GJA1: variants seen among roughly 807,000 people sequenced by gnomAD.
GJA1 encodes the protein gap junction protein alpha 1.
In GJA1, 9 loss-of-function variants were observed where a neutral mutation model predicts 31.0. That is an observed-to-expected ratio of 0.29 (90% CI 0.17 to 0.51). The LOEUF is 0.51. Ranked by LOEUF, GJA1 falls within the 20% of genes least tolerant of loss-of-function variation. GJA1 has a pLI of 0.98. For synonymous variants in GJA1, 186 were observed against 180.1 expected, an observed-to-expected ratio of 1.03 and a Z score of -0.26; for missense variants, 278 against 468.8, an observed-to-expected ratio of 0.59 and a Z score of 3.76.
At position 121,447,566 on chromosome 6, in the gene GJA1, T is replaced by A. The variant is rs145367364; in HGVS notation, c.719T>A (p.Val240Asp). 6.8e-6 allele frequency: 11 copies of A among 1,613,840 alleles called. No homozygotes were observed. Among genetic ancestry groups the A allele is most frequent in the African/African-American group, 2.7e-5 (2 of 74,844 alleles). Residue 240 changes from valine (V) to aspartate (D), a missense_variant, in exon 2 of 2, where the codon GTT (valine) becomes GAT (aspartate). This residue lies in a region of GJA1 where 172 missense variants were observed against 190.9 expected (regional missense o/e 0.90). Coordinates refer to ENST00000282561, the MANE Select transcript of GJA1 (RefSeq NM_000165.5). ...TTCTTCAAGGGCGTTAAGGATCGGG[T>A]TAAGGGAAAGAGCGACCCTTACCAT... ...YVFFKGVKDR[V>D]KGKSDPYHAT... is the part of the protein sequence containing the mutation.
chr6:121,435,740 C>T lies in GJA1; in HGVS notation c.-109C>T, dbSNP rs1021449722. The T allele has an allele frequency of 2.0e-5, 3 of 152,234 alleles. No homozygotes were observed. Among genetic ancestry groups the T allele is most frequent in the African/African-American group, 7.2e-5 (3 of 41,454 alleles). The allele number at this position is 152,234 out of a possible 1,614,324, so 9.4% of individuals were successfully genotyped here. A position where few individuals can be genotyped will look rare whatever the true frequency, so the allele number is the denominator to read the frequency against. On this transcript the variant is annotated 5_prime_UTR_variant, in exon 1 of 2. Coordinates refer to ENST00000282561, the MANE Select transcript of GJA1 (RefSeq NM_000165.5). ...AGCGGAGTTTTAAACTTTAAATAGA[C>T]AGGTCTGAGTGCCTGAACTTGCCTT...
rs553879521 is a variant in GJA1, at chr6:121,447,979, G to A, written c.1132G>A (p.Asp378Asn). 77 of 1,612,884 alleles carry A rather than the reference G, an allele frequency of 4.8e-5. 1 individual carries two copies. In the Admixed American group the frequency reaches 5.1e-4, roughly 11 times the overall value. The change falls in exon 2 of 2, where the codon GAT becomes AAT. Residue 378 changes from aspartate to asparagine, a missense_variant. Physicochemically the swap from Asp to Asn is conservative, Grantham distance 23. This residue lies in a region of GJA1 where 172 missense variants were observed against 190.9 expected (regional missense o/e 0.90). Coordinates refer to ENST00000282561, the MANE Select transcript of GJA1 (RefSeq NM_000165.5). ...TCGTGCCAGCAGCAGACCTCGGCCT[G>A]ATGACCTGGAGATCTAGATACAGGC... is the stretch of plus-strand genomic sequence containing the variant. The part of the protein sequence containing the change: ...SSRASSRPRP[D>N]DLEI
chr6:121,439,459 C>G (rs536151761), intron 1 of GJA1, among the ~76,000 whole-genome samples: 1 of 152,228 alleles, frequency 6.6e-6, no homozygotes, highest in East Asian at 1.9e-4. Context: ...GAGGAAACGC[C>G]AAGGACTGAT....
chr6:121,447,242 T>C lies in GJA1; in HGVS notation c.395T>C (p.Ile132Thr). 6.2e-7 allele frequency: 1 copy of C among 1,614,100 alleles called. No homozygotes were observed. Among genetic ancestry groups the C allele is most frequent in the East Asian group, 2.2e-5 (1 of 44,876 alleles). Reference sequence around the variant, plus strand: ...GACATGCACTTGAAGCAGATTGAGATAAAGAAGTTCAAGTACGGTATTGAA... The same window carrying C: ...GACATGCACTTGAAGCAGATTGAGACAAAGAAGTTCAAGTACGGTATTGAA... ...NVDMHLKQIE[I>T]KKFKYGIEEH... The change falls in exon 2 of 2, where the codon ATA (isoleucine) becomes ACA (threonine). Residue 132 changes from isoleucine to threonine, a missense_variant. Physicochemically the swap from Ile to Thr is moderately conservative, Grantham distance 89. Around this residue, in one of 3 missense-constraint regions of GJA1, gnomAD observed 80 missense variants for 163.5 expected, o/e 0.49. Coordinates refer to ENST00000282561, the MANE Select transcript of GJA1 (RefSeq NM_000165.5).
chr6:121,443,007 T>C (rs1158555908), intron 1 of GJA1, among the ~76,000 whole-genome samples: 1 of 152,204 alleles, frequency 6.6e-6, no homozygotes, highest in Non-Finnish European at 1.5e-5. Flanking sequence ...TCCAGCTGCG[T>C]TGGTCTTCTC....
In GJA1 at chr6:121,448,197, AAG is replaced by A. The variant is rs772242482; in HGVS notation, c.*206_*207del. ...GTAGATGGGTGGAGAGGGAGGGGAT[AAG>A]AGAGGTGCATGTTGGTATTTAAAGT... On this transcript the variant is annotated 3_prime_UTR_variant, in exon 2 of 2. Coordinates refer to ENST00000282561, the MANE Select transcript of GJA1 (RefSeq NM_000165.5). 4.8e-6 allele frequency: 3 copies of A among 629,364 alleles called. No homozygotes were observed. The highest frequency in any genetic ancestry group is 2.7e-5 in the Admixed American group (1 of 37,112). 39.0% of individuals were successfully genotyped at this position (629,364 alleles called of 1,614,324 possible).
rs1773938612 is a variant in GJA1, at chr6:121,448,941, G to C, written c.*945G>C. On this transcript the variant is annotated 3_prime_UTR_variant, in exon 2 of 2. Transcript: ENST00000282561. The stretch of plus-strand genomic sequence containing the variant: ...TGTTCAAATTTGAACCTTTCTCATG[G>C]ATTTTTGTGGTGTGGGCCAATATGG... 6.0e-6 allele frequency: 1 copy of C among 166,650 alleles called. No homozygotes were observed. Among genetic ancestry groups the C allele is most frequent in the Non-Finnish European group, 1.5e-5 (1 of 68,090 alleles). The allele number at this position is 166,650 out of a possible 1,614,324, so 10.3% of individuals were successfully genotyped here. A position where few individuals can be genotyped will look rare whatever the true frequency, so the allele number is the denominator to read the frequency against.
At chr6:121,444,000 TTC>T (rs1166916204) in intron 1 of GJA1, among the ~76,000 whole-genome samples, 3 of 152,148 alleles carry the variant, frequency 2.0e-5, no homozygotes, top group Non-Finnish European at 4.4e-5. Context: ...GCTCCAAAGA[TTC>T]TGTTTGTCTG....
intron 1 of GJA1, among the ~76,000 whole-genome samples, chr6:121,440,281 A>C (rs1477220278): frequency 6.6e-6 from 1 of 152,138 alleles, no homozygotes; most frequent in Non-Finnish European, 1.5e-5. Context: ...CAAGCATGAT[A>C]CCTGATGCAG....
In GJA1 at chr6:121,436,962, T is replaced by C. The variant is rs192743387; in HGVS notation, c.-17+1130T>C. On this transcript the variant is annotated intron_variant, in intron 1 of 1. Transcript: ENST00000282561. Reference sequence around the variant, plus strand: ...TTTGTGCCCGGTAAAGATTTTCTGTTCTGTGTAAATCTACAAACTAAAATA... The same window carrying C: ...TTTGTGCCCGGTAAAGATTTTCTGTCCTGTGTAAATCTACAAACTAAAATA... Among the ~76,000 whole-genome samples the C allele has an allele frequency of 1.7e-3, 260 of 152,370 alleles. 4 individuals carry two copies. Among genetic ancestry groups the C allele is most frequent in the African/African-American group, 6.0e-3 (250 of 41,592 alleles).
rs554145953 is a variant in GJA1 at position 121,448,361 on chromosome 6, T to G, written c.*365T>G. On this transcript the variant is annotated 3_prime_UTR_variant, in exon 2 of 2. Coordinates refer to ENST00000282561, the MANE Select transcript of GJA1 (RefSeq NM_000165.5). The stretch of plus-strand genomic sequence containing the variant: ...GCGGGTGGTAATTGTGGCTAAATAT[T>G]TTTGTTTTACCAAGAAACTGAAATA... 116 of 269,046 alleles carry G rather than the reference T, an allele frequency of 4.3e-4. 1 individual carries two copies. Among genetic ancestry groups the G allele is most frequent in the Admixed American group, 4.1e-3 (82 of 20,240 alleles). 16.7% of individuals were successfully genotyped at this position (269,046 alleles called of 1,614,324 possible).
At chr6:121,440,824 C>A (rs1270044421) in intron 1 of GJA1, among the ~76,000 whole-genome samples, 1 of 152,114 alleles carries the variant, frequency 6.6e-6, no homozygotes, top group Admixed American at 6.5e-5. Context: ...TCACTGCAGC[C>A]TCCGCCTCCC....
intron 1 of GJA1, among the ~76,000 whole-genome samples, chr6:121,438,177 T>G (rs1454715293): frequency 6.6e-6 from 1 of 152,228 alleles, no homozygotes; most frequent in Non-Finnish European, 1.5e-5. Context: ...TGGGGGTGCT[T>G]TGTACTTCCC....
intron 1 of GJA1, among the ~76,000 whole-genome samples, chr6:121,439,861 A>T (rs1169423208): frequency 6.6e-6 from 1 of 152,230 alleles, no homozygotes; most frequent in East Asian, 1.9e-4. Context: ...ACATACAGTA[A>T]GTTTGATACA....
chr6:121,437,366 C>CT (rs1554200423), intron 1 of GJA1, among the ~76,000 whole-genome samples: 2 of 110,202 alleles, frequency 1.8e-5, no homozygotes, highest in African/African-American at 2.8e-5. Context: ...TTTTTTTTTT[C>CT]TTTTTCTTTT....
chr6:121,448,022 C>A lies in GJA1; in HGVS notation c.*26C>A. 1.3e-6 allele frequency: 2 copies of A among 1,596,214 alleles called. No individual in the cohort carries two copies. The highest frequency in any genetic ancestry group is 1.7e-6 in the Non-Finnish European group (2 of 1,163,870). ...ATACAGGCTTGAAAGCATCAAGATT[C>A]CACTCAATTGTGGAGAAGAAAAAAG... On this transcript the variant is annotated 3_prime_UTR_variant, in exon 2 of 2. Transcript: ENST00000282561.
chr6:121,445,225 A>G (rs528574348), intron 1 of GJA1, among the ~76,000 whole-genome samples: 9 of 152,288 alleles, frequency 5.9e-5, no homozygotes, highest in African/African-American at 2.2e-4. Context: ...TGATCTCTGC[A>G]AGCTCCGCCT....
At chr6:121,439,066 G>A (rs1163621118) in intron 1 of GJA1, among the ~76,000 whole-genome samples, 1 of 152,102 alleles carries the variant, frequency 6.6e-6, no homozygotes, top group African/African-American at 2.4e-5. Flanking sequence ...GAGAGGCTGA[G>A]GTGGGAGGAT....
chr6:121,447,828 C>G lies in GJA1; in HGVS notation c.981C>G (p.Ile327Met), dbSNP rs778383309. The G allele has an allele frequency of 3.8e-5, 62 of 1,613,780 alleles. No individual in the cohort carries two copies. The highest frequency in any genetic ancestry group is 4.7e-5 in the Non-Finnish European group (55 of 1,179,868). The change falls in exon 2 of 2, where the codon ATC (isoleucine) becomes ATG (methionine). Residue 327 changes from isoleucine (I) to methionine (M), a missense_variant. Around this residue, in one of 3 missense-constraint regions of GJA1, gnomAD observed 172 missense variants for 190.9 expected, o/e 0.90. Coordinates refer to ENST00000282561, the MANE Select transcript of GJA1 (RefSeq NM_000165.5). ...QNRMGQAGST[I>M]SNSHAQPFDF... ...GAATGGGGCAGGCGGGAAGCACCAT[C>G]TCTAACTCCCATGCACAGCCTTTTG...
Sources: gnomAD v4.1 joint callset for allele counts (sites outside exome capture counted in the v4.1 genomes callset) on GRCh38, gnomAD v4.1.1 for gene constraint, gnomAD v4.1.1 regional missense constraint, MANE v1.5 for transcripts, NCBI Gene and HGNC (gene_info 2026-07-23, HGNC 2026-07-21) for gene names.